The following DNAAF4 variants were observed in gnomAD, a reference collection of about 807,000 sequenced individuals.
DNAAF4 encodes dynein axonemal assembly factor 4.
A neutral mutation model predicts 51.8 loss-of-function variants in DNAAF4; 43 were observed. The ratio of observed to expected loss-of-function variants is 0.83; its 90% confidence interval spans 0.65 to 1.07. The LOEUF is 1.07. Ranked by LOEUF, DNAAF4 falls within the 50% of genes least tolerant of loss-of-function variation. DNAAF4 has a pLI of 0.00. For missense variants in DNAAF4, 581 were observed against 493.0 expected, an observed-to-expected ratio of 1.18 and a Z score of -1.69; for synonymous variants, 194 against 165.6, an observed-to-expected ratio of 1.17 and a Z score of -1.32.
chr15:55,454,578 A>G (rs1250164173), intron 5 of DNAAF4, among the ~76,000 whole-genome samples: 2 of 151,968 alleles, frequency 1.3e-5, no homozygotes, highest in East Asian at 3.9e-4. Context: ...GGGTTTCACC[A>G]TGTTAGCCAG....
chr15:55,456,958 A>G (rs1417833093), intron 5 of DNAAF4, among the ~76,000 whole-genome samples: 1 of 152,246 alleles, frequency 6.6e-6, no homozygotes, highest in Admixed American at 6.5e-5. Context: ...GGGCAGGACC[A>G]CAGGGTGAAG....
intron 6 of DNAAF4, among the ~76,000 whole-genome samples, chr15:55,445,130 G>T (rs2057777910): frequency 6.7e-6 from 1 of 150,116 alleles, no homozygotes; most frequent in Admixed American, 6.7e-5. Flanking sequence ...TGGAGAGAAG[G>T]ACAGCAGATA....
At chr15:55,489,744 G>C (rs1166306250) in intron 4 of DNAAF4, among the ~76,000 whole-genome samples, 1 of 151,088 alleles carries the variant, frequency 6.6e-6, no homozygotes, top group African/African-American at 2.4e-5. Context: ...ATCATAAACT[G>C]TTGATAATAG....
At chr15:55,471,011 G>T (rs1376257711) in intron 4 of DNAAF4, among the ~76,000 whole-genome samples, 1 of 150,664 alleles carries the variant, frequency 6.6e-6, no homozygotes, top group Non-Finnish European at 1.5e-5. Flanking sequence ...GCAGCACCAC[G>T]AATGGCTAAT....
At chr15:55,428,853 G>C (rs1000305947), downstream of DNAAF4, among the ~76,000 whole-genome samples, 4 of 152,046 alleles carry the variant, frequency 2.6e-5, no homozygotes, top group African/African-American at 9.7e-5. Context: ...ACCTCTAGCA[G>C]TGTCTCTTCT....
intron 4 of DNAAF4, among the ~76,000 whole-genome samples, chr15:55,490,803 A>C (rs756017665): frequency 6.6e-6 from 1 of 152,054 alleles, no homozygotes; most frequent in African/African-American, 2.4e-5. Context: ...AACACAAAAA[A>C]ATTAGCCTGG....
intron 6 of DNAAF4, 123 bp downstream of exon 6, chr15:55,450,099 T>A: frequency 8.9e-7 from 1 of 1,118,288 alleles, no homozygotes. Flanking sequence ...AACATATTCA[T>A]GACGTTATTT....
At chr15:55,463,891 T>C (rs1299248054) in intron 5 of DNAAF4, among the ~76,000 whole-genome samples, 3 of 152,086 alleles carry the variant, frequency 2.0e-5, no homozygotes, top group Non-Finnish European at 4.4e-5. Context: ...CCAAAAGCAA[T>C]CTACAAATTC....
At chr15:55,491,613 T>A (rs1246008653) in intron 3 of DNAAF4, among the ~76,000 whole-genome samples, 2 of 146,080 alleles carry the variant, frequency 1.4e-5, no homozygotes, top group African/African-American at 5.0e-5. Flanking sequence ...ATAAACCTGA[T>A]CACAATAAAT....
At chr15:55,445,679 T>G (rs970771994) in intron 6 of DNAAF4, among the ~76,000 whole-genome samples, 1 of 142,320 alleles carries the variant, frequency 7.0e-6, no homozygotes, top group Non-Finnish European at 1.5e-5. Flanking sequence ...GCAGAGGCGC[T>G]CCTCACCTCC....
chr15:55,442,607 T>C lies in DNAAF4; in HGVS notation c.784-3026A>G. ...ACTGCTTCTTCTGGAGGGGAGAGAA[T>C]GAGATGGAGTTCACCAGCAGCTCTT... is the stretch of plus-strand genomic sequence containing the variant. On this transcript the variant is annotated intron_variant, in intron 6 of 9. Coordinates refer to ENST00000321149, the MANE Select transcript of DNAAF4 (RefSeq NM_130810.4). 5 of 1,461,308 alleles carry C rather than the reference T, an allele frequency of 3.4e-6. No individual in the cohort carries two copies. The South Asian group carries it at 4.6e-5, about 13-fold the overall frequency. 90.5% of individuals were successfully genotyped at this position (1,461,308 alleles called of 1,614,324 possible). A position where few individuals can be genotyped will look rare whatever the true frequency, so the allele number is the denominator to read the frequency against.
chr15:55,438,403 T>C (rs1345571770), intron 7 of DNAAF4, among the ~76,000 whole-genome samples: 1 of 151,314 alleles, frequency 6.6e-6, no homozygotes, highest in Admixed American at 6.6e-5. Flanking sequence ...TGCCCAGATA[T>C]AAGATAATTT....
At chr15:55,486,481 A>T (rs1226427312) in intron 4 of DNAAF4, among the ~76,000 whole-genome samples, 1 of 152,132 alleles carries the variant, frequency 6.6e-6, no homozygotes, top group East Asian at 1.9e-4. Flanking sequence ...GGCATGAGCC[A>T]CCATGCCCAG....
chr15:55,482,531 G>C (rs554397170), intron 4 of DNAAF4, among the ~76,000 whole-genome samples: 1 of 151,810 alleles, frequency 6.6e-6, no homozygotes, highest in Non-Finnish European at 1.5e-5. Flanking sequence ...TACAAAAAAC[G>C]AGCTGGGCAT....
At chr15:55,434,407 C>T (rs2057574528) in intron 8 of DNAAF4, among the ~76,000 whole-genome samples, 1 of 151,878 alleles carries the variant, frequency 6.6e-6, no homozygotes, top group Non-Finnish European at 1.5e-5. Flanking sequence ...ACATGATATG[C>T]CCTTAAAACA....
intron 8 of DNAAF4, among the ~76,000 whole-genome samples, chr15:55,433,962 TA>T (rs1567000695): frequency 7.0e-5 from 2 of 28,606 alleles, no homozygotes; most frequent in African/African-American, 4.1e-4. Flanking sequence ...ATAATATATA[TA>T]ATATATTTTA....
intron 6 of DNAAF4, among the ~76,000 whole-genome samples, chr15:55,445,301 T>TA (rs1231511836): frequency 5.9e-5 from 9 of 152,060 alleles, no homozygotes; most frequent in African/African-American, 2.2e-4. Context: ...GCACCGCCCT[T>TA]AATCCATTTA....
intron 5 of DNAAF4, among the ~76,000 whole-genome samples, chr15:55,460,112 T>G (rs1336646796): frequency 6.6e-6 from 1 of 151,800 alleles, no homozygotes; most frequent in African/African-American, 2.4e-5. Flanking sequence ...CAGGAAAATA[T>G]CACAATCCTA....
chr15:55,482,322 A>G (rs1486386382), intron 4 of DNAAF4, among the ~76,000 whole-genome samples: 1 of 152,190 alleles, frequency 6.6e-6, no homozygotes, highest in African/African-American at 2.4e-5. Flanking sequence ...CCAAAAAGCT[A>G]AACAGAATTA....
Sources: gnomAD v4.1 joint callset for allele counts (sites outside exome capture counted in the v4.1 genomes callset) on GRCh38, gnomAD v4.1.1 for gene constraint, MANE v1.5 for transcripts, NCBI Gene and HGNC (gene_info 2026-07-23, HGNC 2026-07-21) for gene names.